ERBB4: variants seen among roughly 807,000 people sequenced by gnomAD.
ERBB4 encodes erb-b2 receptor tyrosine kinase 4.
Under a neutral mutation model 158.0 loss-of-function variants are expected in ERBB4, and 42 were observed. That is an observed-to-expected ratio of 0.27 (90% CI 0.21 to 0.34). The LOEUF (loss-of-function observed/expected upper bound fraction) is 0.34, where lower values mean the gene tolerates loss of function less well. Ranked by LOEUF, ERBB4 falls within the 10% of genes least tolerant of loss-of-function variation. ERBB4 has a pLI of 1.00. For synonymous variants in ERBB4, 583 were observed against 558.7 expected (o/e 1.04, Z -0.61); for missense variants, 1,333 against 1,624.1 (o/e 0.82, Z 3.08).
chr2:211,561,297 T>C (rs902170050), intron 20 of ERBB4, among the ~76,000 whole-genome samples: 2 of 152,174 alleles, frequency 1.3e-5, no homozygotes, highest in Non-Finnish European at 2.9e-5. Context: ...TCTAGTAATA[T>C]TCCCCAATTC....
chr2:212,067,966 A>C (rs1323702575), intron 2 of ERBB4, among the ~76,000 whole-genome samples: 1 of 152,066 alleles, frequency 6.6e-6, no homozygotes, highest in Non-Finnish European at 1.5e-5. Flanking sequence ...TACTATATAG[A>C]CTTAGATGCA....
chr2:211,944,566 C>A (rs2080624751), intron 3 of ERBB4, among the ~76,000 whole-genome samples: 1 of 151,944 alleles, frequency 6.6e-6, no homozygotes, highest in Non-Finnish European at 1.5e-5. Context: ...AAAGCAAAAC[C>A]TTATCTGTTC....
intron 20 of ERBB4, among the ~76,000 whole-genome samples, chr2:211,491,547 T>A (rs1574598058): frequency 6.6e-6 from 1 of 152,108 alleles, no homozygotes; most frequent in South Asian, 2.1e-4. Context: ...ATTCTAATTA[T>A]AAAACTACGT....
intron 3 of ERBB4, among the ~76,000 whole-genome samples, chr2:211,852,668 A>G (rs1156333472): frequency 2.8e-5 from 4 of 145,296 alleles, no homozygotes; most frequent in African/African-American, 1.0e-4. Context: ...GCCATCACTA[A>G]GCTGTCTATC....
At chr2:212,083,661 A>G (rs2078513460) in intron 2 of ERBB4, among the ~76,000 whole-genome samples, 1 of 151,938 alleles carries the variant, frequency 6.6e-6, no homozygotes, top group African/African-American at 2.4e-5. Flanking sequence ...ACAATGCCAG[A>G]CAAACCTGGC....
chr2:211,861,092 A>G (rs1417073734), intron 3 of ERBB4, among the ~76,000 whole-genome samples: 3 of 57,390 alleles, frequency 5.2e-5, no homozygotes, highest in Non-Finnish European at 6.5e-5. Context: ...TATAAAATAT[A>G]TAAATACATT....
At chr2:212,231,393 C>T (rs1355859402) in intron 1 of ERBB4, among the ~76,000 whole-genome samples, 4 of 152,162 alleles carry the variant, frequency 2.6e-5, no homozygotes, top group African/African-American at 9.7e-5. Flanking sequence ...AGACCTGGAA[C>T]TTTAAAAAGA....
chr2:211,726,573 C>A (rs1559462560), intron 5 of ERBB4, among the ~76,000 whole-genome samples: 1 of 152,128 alleles, frequency 6.6e-6, no homozygotes, highest in African/African-American at 2.4e-5. Context: ...ACTTCTCCTA[C>A]CTAATAAAAT....
intron 19 of ERBB4, among the ~76,000 whole-genome samples, chr2:211,592,407 T>G (rs1376696982): frequency 6.6e-6 from 1 of 151,970 alleles, no homozygotes; most frequent in Non-Finnish European, 1.5e-5. Flanking sequence ...GGCTAGGTGA[T>G]TAAAGGAAAG....
At chr2:212,283,343 C>T (rs747180189) in intron 1 of ERBB4, among the ~76,000 whole-genome samples, 12 of 152,066 alleles carry the variant, frequency 7.9e-5, no homozygotes, top group South Asian at 2.1e-4. Flanking sequence ...ACAATTTGTA[C>T]GGTAATCCCA....
intron 3 of ERBB4, among the ~76,000 whole-genome samples, chr2:211,918,402 T>A (rs1048578318): frequency 1.3e-5 from 2 of 152,146 alleles, no homozygotes; most frequent in Non-Finnish European, 2.9e-5. Flanking sequence ...TCAGTTTCCA[T>A]TAGAAACTGG....
chr2:212,385,900 T>C (rs1331432532), intron 1 of ERBB4, among the ~76,000 whole-genome samples: 2 of 151,908 alleles, frequency 1.3e-5, no homozygotes, highest in Non-Finnish European at 2.9e-5. Flanking sequence ...CAGACTATTG[T>C]TTTATCCACA....
chr2:211,619,374 T>A, intron 18 of ERBB4, 99 bp from the exon 19 acceptor site: 1 of 732,286 alleles, frequency 1.4e-6, no homozygotes, highest in Non-Finnish European at 2.4e-6. Flanking sequence ...AATCAACAAA[T>A]GTTTATTTAG....
At chr2:212,218,103 TTACTA>T (rs1346413798) in intron 1 of ERBB4, among the ~76,000 whole-genome samples, 2 of 151,356 alleles carry the variant, frequency 1.3e-5, no homozygotes, top group Non-Finnish European at 3.0e-5. Context: ...AAGTAGTTCT[TTACTA>T]TAGCCTCAAA....
intron 1 of ERBB4, among the ~76,000 whole-genome samples, chr2:212,327,728 C>CTTTTTTTT (rs11413473): frequency 1.5e-5 from 2 of 133,358 alleles, no homozygotes; most frequent in Non-Finnish European, 3.1e-5. Context: ...TTCTTTTTTT[C>CTTTTTTTT]TTTTTTTTTT....
chr2:212,125,194 T>C (rs1464147736), intron 1 of ERBB4: 3 of 279,438 alleles, frequency 1.1e-5, no homozygotes, highest in Non-Finnish European at 2.0e-5. Context: ...AGCAAGTAAA[T>C]ACATTTACTT....
chr2:212,388,403 A>G (rs1427297075), intron 1 of ERBB4, among the ~76,000 whole-genome samples: 1 of 152,130 alleles, frequency 6.6e-6, no homozygotes, highest in Non-Finnish European at 1.5e-5. Flanking sequence ...ATTGCTAAAT[A>G]GGAGGATCTT....
At chr2:212,479,060 T>C (rs1438028253) in intron 1 of ERBB4, among the ~76,000 whole-genome samples, 2 of 152,342 alleles carry the variant, frequency 1.3e-5, no homozygotes, top group Non-Finnish European at 2.9e-5. Context: ...TATTTAGGGA[T>C]GTTTGTATGG....
At chr2:212,524,419 G>A (rs1380178051) in intron 1 of ERBB4, among the ~76,000 whole-genome samples, 2 of 151,962 alleles carry the variant, frequency 1.3e-5, no homozygotes, top group Admixed American at 1.3e-4. Context: ...ATGAGCATGT[G>A]ATATGGTTAT....
Sources: allele counts gnomAD v4.1 joint callset (sites outside exome capture counted in the v4.1 genomes callset), GRCh38; gene constraint gnomAD v4.1.1; transcripts MANE v1.5; gene names NCBI Gene and HGNC (gene_info 2026-07-23, HGNC 2026-07-21).